The following HIPK2 variants were observed in gnomAD, a reference collection of about 807,000 sequenced individuals.
HIPK2 encodes homeodomain-interacting protein kinase 2.
In HIPK2, 27 loss-of-function variants were observed where a neutral mutation model predicts 113.7. That is an observed-to-expected ratio of 0.24 (90% CI 0.17 to 0.33). HIPK2 has a LOEUF of 0.33. Among genes scored for constraint, HIPK2 ranks in the 10% least tolerant of loss-of-function variants. The pLI is 1.00. For synonymous variants in HIPK2, 631 were observed against 642.2 expected (o/e 0.98, Z 0.26); for missense variants, 1,257 against 1,588.0 (o/e 0.79, Z 3.54).
intron 13 of HIPK2, chr7:139,583,389 C>T (rs1798732625): frequency 1.2e-5 from 2 of 167,356 alleles, no homozygotes; most frequent in African/African-American, 4.8e-5. Context: ...CCAATTTCAC[C>T]CTTCCCTAGC....
chr7:139,738,119 G>A (rs978944329), intron 1 of HIPK2, among the ~76,000 whole-genome samples: 1 of 152,240 alleles, frequency 6.6e-6, no homozygotes, highest in Non-Finnish European at 1.5e-5. Context: ...GTACAGACCA[G>A]CAGATCTGGG....
chr7:139,744,089 C>T (rs1569484069), intron 1 of HIPK2, among the ~76,000 whole-genome samples: 2 of 152,098 alleles, frequency 1.3e-5, no homozygotes, highest in East Asian at 3.8e-4. Context: ...AAACTGAAAA[C>T]ATATGTCTAC....
intron 2 of HIPK2, among the ~76,000 whole-genome samples, chr7:139,668,105 G>T (rs1432833694): frequency 1.5e-5 from 2 of 135,546 alleles, no homozygotes; most frequent in Non-Finnish European, 3.1e-5. Flanking sequence ...CAGCCTGGGT[G>T]ACAAGCGCAA....
In HIPK2 at chr7:139,716,708, G is replaced by C. The variant is rs149593594; in HGVS notation, c.327C>G (p.Gly109=). The C allele has an allele frequency of 5.0e-6, 8 of 1,613,726 alleles. No homozygotes were observed. The highest frequency in any genetic ancestry group is 3.3e-5 in the Admixed American group (2 of 59,972). The change falls in exon 2 of 15, where the codon GGC becomes GGG. Residue 109 remains glycine, a synonymous_variant. Coordinates refer to ENST00000406875, the MANE Select transcript of HIPK2 (RefSeq NM_022740.5). This position sits in a 1 kb window ranked among gnomAD's most constrained non-coding sequence, Gnocchi z 9.3. ...SSTSVTGQVL[G]GPHNLMRRST... ...TTCGACGCATTAGGTTGTGTGGTCC[G>C]CCGAGGACTTGCCCGGTGACAGAAG...
intron 11 of HIPK2, among the ~76,000 whole-genome samples, chr7:139,599,984 G>C (rs903309120): frequency 6.6e-6 from 1 of 151,938 alleles, no homozygotes; most frequent in Non-Finnish European, 1.5e-5. Flanking sequence ...TCATCCTCCA[G>C]GTGTGATATC....
chr7:139,656,685 C>G (rs573036748), intron 2 of HIPK2, among the ~76,000 whole-genome samples: 2 of 152,290 alleles, frequency 1.3e-5, no homozygotes, highest in Non-Finnish European at 2.9e-5. Flanking sequence ...CCTCCCTTAC[C>G]CCATCATGTT....
chr7:139,697,137 T>C (rs1794589591), intron 2 of HIPK2, among the ~76,000 whole-genome samples: 1 of 152,188 alleles, frequency 6.6e-6, no homozygotes, highest in Non-Finnish European at 1.5e-5. Context: ...CAGTCCTTCT[T>C]GTAAGACAGA....
intron 1 of HIPK2, among the ~76,000 whole-genome samples, chr7:139,739,524 T>C (rs1585443094): frequency 6.6e-6 from 1 of 151,586 alleles, no homozygotes; most frequent in Admixed American, 6.6e-5. Flanking sequence ...GAGGCGGAGG[T>C]TGCGGTGAGC....
In HIPK2 at chr7:139,626,680, T is replaced by G. The variant is rs748567056; in HGVS notation, c.1540A>C (p.Lys514Gln). ...AGGGTTTCGATTGGAGTGATTCTCT[T>G]GTCAGCATCAATGGTCAGCATCTTC... The part of the protein sequence containing the change: ...LKKMLTIDAD[K>Q]RITPIETLNH... The change falls in exon 6 of 15, where the codon AAG becomes CAG. Residue 514 changes from lysine (K) to glutamine (Q), a missense_variant. Physicochemically the swap from Lys to Gln is moderately conservative, Grantham distance 53 (BLOSUM62 1). Coordinates refer to ENST00000406875, the MANE Select transcript of HIPK2 (RefSeq NM_022740.5). 1 of 1,613,976 alleles carries G rather than the reference T, an allele frequency of 6.2e-7. No homozygotes were observed. Among genetic ancestry groups the G allele is most frequent in the Admixed American group, 1.7e-5 (1 of 60,018 alleles).
At chr7:139,664,142 A>AAACC (rs35163219) in intron 2 of HIPK2, among the ~76,000 whole-genome samples, 29,018 of 151,970 alleles carry the variant, frequency 0.19, 3,107 homozygotes, top group East Asian at 0.41. Flanking sequence ...ACAAGCAAGC[A>AAACC]AACCAACCAA....
intron 9 of HIPK2, among the ~76,000 whole-genome samples, chr7:139,604,429 C>A (rs1215248451): frequency 6.6e-6 from 1 of 152,086 alleles, no homozygotes; most frequent in East Asian, 1.9e-4. Context: ...CGCCTGTAAT[C>A]CTAGCACTTT....
chr7:139,655,086 G>A (rs1469031787), intron 2 of HIPK2, among the ~76,000 whole-genome samples: 2 of 152,130 alleles, frequency 1.3e-5, no homozygotes, highest in Non-Finnish European at 2.9e-5. Context: ...GGGGGAATTC[G>A]CTTGGATAAG....
At chr7:139,750,604 A>C (rs748495410) in intron 1 of HIPK2, among the ~76,000 whole-genome samples, 3 of 152,246 alleles carry the variant, frequency 2.0e-5, no homozygotes, top group Non-Finnish European at 4.4e-5. Context: ...TCAAACCAGT[A>C]GAAGGATAAG....
intron 1 of HIPK2, among the ~76,000 whole-genome samples, chr7:139,760,021 GA>G (rs1796438589): frequency 7.2e-6 from 1 of 138,586 alleles, no homozygotes; most frequent in Non-Finnish European, 1.5e-5. Context: ...TTTTTTTTCT[GA>G]GACAGAGTCT....
rs868657919 is a variant in HIPK2, at chr7:139,629,052, G to A, written c.1348-13C>T. On this transcript the variant is annotated splice_polypyrimidine_tract_variant and intron_variant, in intron 4 of 14. Transcript: ENST00000406875. ...GGTCATCTGGTGTCTGTCAAGAGAG[G>A]CAAAAGCCAATTGGTAGCGTGACTT... is the stretch of plus-strand genomic sequence containing the variant. 12 of 1,579,190 alleles carry A rather than the reference G, an allele frequency of 7.6e-6. No homozygotes were observed. Among genetic ancestry groups the A allele is most frequent in the Middle Eastern group, 1.7e-4 (1 of 6,044 alleles).
At chr7:139,748,652 T>C (rs1324802046) in intron 1 of HIPK2, among the ~76,000 whole-genome samples, 1 of 151,990 alleles carries the variant, frequency 6.6e-6, no homozygotes, top group African/African-American at 2.4e-5. Flanking sequence ...CTAGTCATAC[T>C]AGACTAGGGG....
intron 2 of HIPK2, among the ~76,000 whole-genome samples, chr7:139,633,072 G>A (rs1297988384): frequency 8.2e-6 from 1 of 122,632 alleles, no homozygotes; most frequent in African/African-American, 3.3e-5. Context: ...CTCCAGCCTG[G>A]ACGACAGAAA....
intron 2 of HIPK2, among the ~76,000 whole-genome samples, chr7:139,653,117 G>A (rs1801522915): frequency 7.0e-6 from 1 of 143,224 alleles, no homozygotes; most frequent in Admixed American, 7.0e-5. Flanking sequence ...TCCAGCCTGG[G>A]TGACAGAGCA....
intron 1 of HIPK2, among the ~76,000 whole-genome samples, chr7:139,731,695 G>C (rs1054391485): frequency 6.6e-6 from 1 of 152,182 alleles, no homozygotes. Flanking sequence ...AGTGATGCCG[G>C]GGATGTGAGA....
Sources: allele counts gnomAD v4.1 joint callset (sites outside exome capture counted in the v4.1 genomes callset), GRCh38; gene constraint gnomAD v4.1.1; non-coding constraint Gnocchi (gnomAD v3.1); transcripts MANE v1.5; gene names NCBI Gene and HGNC (gene_info 2026-07-23, HGNC 2026-07-21).